Variants in SLC16A3 observed in about 807,000 individuals in gnomAD.
SLC16A3 encodes monocarboxylate transporter 4.
In SLC16A3, 22 loss-of-function variants were observed where a neutral mutation model predicts 25.0. That is an observed-to-expected ratio of 0.88 (90% CI 0.63 to 1.26). SLC16A3 has a LOEUF of 1.26. Among genes scored for constraint, SLC16A3 ranks in the 50% most tolerant of loss-of-function variants. The pLI is 0.00. For synonymous variants in SLC16A3, 390 were observed against 309.2 expected (o/e 1.26, Z -2.74); for missense variants, 731 against 666.6 (o/e 1.10, Z -1.06).
intron 1 of SLC16A3, chr17:82,234,014 T>TTG (rs1568535949): frequency 6.6e-6 from 1 of 152,024 alleles, no homozygotes; most frequent in East Asian, 1.9e-4. Context: ...CTAATTTTTT[T>TTG]TATTTTTAGT....
chr17:82,238,907 G>A lies in SLC16A3; in HGVS notation c.1329G>A (p.Val443=). 1 of 1,598,916 alleles carries A rather than the reference G, an allele frequency of 6.3e-7. No homozygotes were observed. Among genetic ancestry groups the A allele is most frequent in the South Asian group, 1.1e-5 (1 of 89,732 alleles). Residue 443 remains valine, a synonymous_variant, in exon 5 of 5, where the codon GTG becomes GTA. Coordinates refer to ENST00000582743, the MANE Select transcript of SLC16A3 (RefSeq NM_004207.4). ...ACTCGGGGGTGGACTTGCGGGAGGT[G>A]GAGCATTTCCTGAAGGCTGAGCCTG... ...PADSGVDLRE[V]EHFLKAEPEK... is the part of the protein sequence containing the mutation.
rs771661411 is a variant in SLC16A3 at position 82,236,112 on chromosome 17, C to G, written c.104C>G (p.Ser35Cys). The G allele has an allele frequency of 7.1e-5, 114 of 1,613,088 alleles. No individual in the cohort carries two copies. The highest frequency in any genetic ancestry group is 9.6e-5 in the Non-Finnish European group (113 of 1,179,980). ...GGCTGTTTCGTCATCACTGGCTTCT[C>G]CTACGCCTTCCCCAAGGCCGTCAGT... ...LFGCFVITGFSYAFPKAVSVF... is the reference protein window; with the variant it reads ...LFGCFVITGFCYAFPKAVSVF... The change falls in exon 2 of 5, where the codon TCC becomes TGC. Residue 35 changes from serine to cysteine, a missense_variant. Coordinates refer to ENST00000582743, the MANE Select transcript of SLC16A3 (RefSeq NM_004207.4).
At chr17:82,236,498 C>T in intron 2 of SLC16A3, 2 of 636,930 alleles carry the variant, frequency 3.1e-6, no homozygotes, top group Non-Finnish European at 5.4e-6. Flanking sequence ...GAGAGCCGTT[C>T]CTGAAAAGGT....
intron 1 of SLC16A3, among the ~76,000 whole-genome samples, chr17:82,220,178 G>A (rs1187550309): frequency 1.3e-5 from 2 of 152,172 alleles, no homozygotes; most frequent in Non-Finnish European, 2.9e-5. Context: ...GACACCCTAG[G>A]CTGGGCTCCA....
chr17:82,231,186 C>G (rs1001553924), intron 1 of SLC16A3: 4 of 152,156 alleles, frequency 2.6e-5, no homozygotes, highest in Non-Finnish European at 5.9e-5. Context: ...TCCCCCTCCC[C>G]CGGGTGGGCC....
In SLC16A3 at chr17:82,237,515, G is replaced by A. The variant is rs766909690; in HGVS notation, c.745G>A (p.Val249Met). 23 of 1,611,506 alleles carry A rather than the reference G, an allele frequency of 1.4e-5. No individual in the cohort carries two copies. The highest frequency in any genetic ancestry group is 6.6e-5 in the South Asian group (6 of 91,040). The stretch of plus-strand genomic sequence containing the variant: ...GGGGCTCTTCGTCCCGCCCGTGTTC[G>A]TGGTGAGCTACGCCAAGGACCTGGG... ...VLGLFVPPVF[V>M]VSYAKDLGVP... Residue 249 changes from valine to methionine, a missense_variant, in exon 4 of 5, where the codon GTG (valine) becomes ATG (methionine). Transcript: ENST00000582743.
intron 1 of SLC16A3, among the ~76,000 whole-genome samples, chr17:82,223,043 C>T (rs72854779): frequency 1.3e-5 from 2 of 152,020 alleles, no homozygotes; most frequent in East Asian, 3.9e-4. Flanking sequence ...AATGAGTGCA[C>T]GGTGTTTTTA....
chr17:82,227,639 AGC>A (rs2050433881), upstream of SLC16A3, among the ~76,000 whole-genome samples: 3 of 21,388 alleles, frequency 1.4e-4, no homozygotes, highest in African/African-American at 2.0e-4. Context: ...CCTGGGCGGG[AGC>A]ACCACCTGCC....
Position 82,238,764 on chromosome 17 carries a change from C to G in SLC16A3, c.1186C>G (p.Leu396Val). The G allele has an allele frequency of 6.2e-7, 1 of 1,612,692 alleles. No homozygotes were observed. The highest frequency in any genetic ancestry group is 8.5e-7 in the Non-Finnish European group (1 of 1,179,930). The change falls in exon 5 of 5, where the codon CTC (leucine) becomes GTC (valine). Residue 396 changes from leucine to valine, a missense_variant. Leu to Val is a conservative substitution (Grantham distance 32). Transcript: ENST00000582743. ...YVFILAGAEV[L>V]TSSLILLLGN... Reference sequence around the variant, plus strand: ...GTTCATCCTGGCGGGGGCCGAGGTGCTCACCTCCTCCCTGATTTTGCTGCT... The same window carrying G: ...GTTCATCCTGGCGGGGGCCGAGGTGGTCACCTCCTCCCTGATTTTGCTGCT...
intron 1 of SLC16A3, among the ~76,000 whole-genome samples, chr17:82,221,864 G>A (rs1268004234): frequency 6.6e-6 from 1 of 152,098 alleles, no homozygotes; most frequent in Non-Finnish European, 1.5e-5. Context: ...GAAGACCCTG[G>A]TCTCTGAAAA....
rs1396282068 is a variant in SLC16A3, at chr17:82,222,171, GGA to G, written c.-27+3988_-27+3989del. On this transcript the variant is annotated intron_variant, in intron 1 of 4. Transcript: ENST00000580098. ...GTTCGTGGAGAGGAGCGTCGCCCTG[GGA>G]CCCCCAACTCCGCTCCCACGTTCGT... Among the ~76,000 whole-genome samples, 661 of 131,578 alleles carry G rather than the reference GGA, an allele frequency of 5.0e-3. 124 individuals carry two copies. The highest frequency in any genetic ancestry group is 0.019 in the African/African-American group (622 of 32,002). The allele number at this position is 131,578 out of a possible 152,430, so 86.3% of individuals were successfully genotyped here.
At chr17:82,238,610 G>C (rs905697155) in intron 4 of SLC16A3, 92 bp from the exon 5 acceptor site, 12 of 1,323,940 alleles carry the variant, frequency 9.1e-6, no homozygotes, top group Non-Finnish European at 9.1e-6. Context: ...TGACCCTTGC[G>C]TGCTGAGACA....
chr17:82,225,632 C>T (rs1483003158), upstream of SLC16A3, among the ~76,000 whole-genome samples: 3 of 152,200 alleles, frequency 2.0e-5, no homozygotes, highest in Non-Finnish European at 4.4e-5. Context: ...CCCCGTGACT[C>T]GGCTTTCTTC....
chr17:82,233,625 T>C (rs967709440), intron 1 of SLC16A3: 1 of 152,278 alleles, frequency 6.6e-6, no homozygotes, highest in African/African-American at 2.4e-5. Flanking sequence ...CTTTGTGTTT[T>C]GCAGGGGGAA....
chr17:82,236,063 G>A lies in SLC16A3; in HGVS notation c.55G>A (p.Gly19Ser), dbSNP rs766184108. 1.5e-5 allele frequency: 24 copies of A among 1,612,614 alleles called. No homozygotes were observed. Among genetic ancestry groups the A allele is most frequent in the South Asian group, 6.6e-5 (6 of 91,088 alleles). ...CACAGGCGTCAAGGCCCCTGACGGC[G>A]GCTGGGGCTGGGCCGTGCTCTTCGG... The part of the protein sequence containing the change: ...GPTGVKAPDG[G>S]WGWAVLFGCF... The change falls in exon 2 of 5, where the codon GGC becomes AGC. Residue 19 changes from glycine (G) to serine (S), a missense_variant. Gly to Ser is a moderately conservative substitution (Grantham distance 56). Transcript: ENST00000582743.
rs2050706562 is a variant in SLC16A3, at chr17:82,239,427, C to G, written c.*451C>G. On this transcript the variant is annotated 3_prime_UTR_variant, in exon 5 of 5. Coordinates refer to ENST00000582743, the MANE Select transcript of SLC16A3 (RefSeq NM_004207.4). ...CCTCTTGAGTGTCTTGGGGACAGCTCTTTCCACCCCTGGAAGATGGAAATA... is the reference window on the plus strand; with the variant it reads ...CCTCTTGAGTGTCTTGGGGACAGCTGTTTCCACCCCTGGAAGATGGAAATA... 2 of 171,346 alleles carry G rather than the reference C, an allele frequency of 1.2e-5. No homozygotes were observed. The highest frequency in any genetic ancestry group is 6.4e-5 in the Admixed American group (1 of 15,748). The allele number at this position is 171,346 out of a possible 1,614,324, so 10.6% of individuals were successfully genotyped here. A position where few individuals can be genotyped will look rare whatever the true frequency, so the allele number is the denominator to read the frequency against.
chr17:82,236,792 T>G lies in SLC16A3; in HGVS notation c.287T>G (p.Leu96Arg). 1 of 1,609,036 alleles carries G rather than the reference T, an allele frequency of 6.2e-7. No individual in the cohort carries two copies. Among genetic ancestry groups the G allele is most frequent in the South Asian group, 1.1e-5 (1 of 91,076 alleles). ...GCRPVMLVGGLFASLGMVAAS... is the reference protein window; with the variant it reads ...GCRPVMLVGGRFASLGMVAAS... Reference sequence around the variant, plus strand: ...CGGCCCGTCATGCTTGTGGGGGGTCTCTTTGCGTCGCTGGGCATGGTGGCT... The same window carrying G: ...CGGCCCGTCATGCTTGTGGGGGGTCGCTTTGCGTCGCTGGGCATGGTGGCT... The change falls in exon 3 of 5, where the codon CTC becomes CGC. Residue 96 changes from leucine to arginine, a missense_variant. Physicochemically the swap from Leu to Arg is moderately radical, Grantham distance 102. Transcript: ENST00000582743.
chr17:82,220,876 T>C (rs952212648), intron 1 of SLC16A3, among the ~76,000 whole-genome samples: 2 of 152,178 alleles, frequency 1.3e-5, no homozygotes, highest in Non-Finnish European at 2.9e-5. Flanking sequence ...CAGGCTGGCA[T>C]GCAGTGGCGC....
rs112035169 is a variant in SLC16A3, at chr17:82,218,461, C to G, written c.-27+277C>G. ...AAGGGGAGCCCAGCCTCGGTCACTG[C>G]GGGGTGGACGGCCAAGGCGAGCCCA... On this transcript the variant is annotated intron_variant, in intron 1 of 4. Coordinates refer to the SLC16A3 transcript ENST00000580098. Among the ~76,000 whole-genome samples the G allele has an allele frequency of 2.4e-3, 232 of 96,140 alleles. 1 individual carries two copies. Among genetic ancestry groups the G allele is most frequent in the African/African-American group, 8.3e-3 (197 of 23,858 alleles). The allele number at this position is 96,140 out of a possible 152,430, so 63.1% of individuals were successfully genotyped here.
Sources: allele counts gnomAD v4.1 joint callset (sites outside exome capture counted in the v4.1 genomes callset), GRCh38; gene constraint gnomAD v4.1.1; transcripts MANE v1.5; gene names NCBI Gene and HGNC (gene_info 2026-07-23, HGNC 2026-07-21).